The following OSBPL5 variants were observed in gnomAD, a reference collection of about 807,000 sequenced individuals.
OSBPL5 encodes oxysterol-binding protein-related protein 5.
In OSBPL5, 71 loss-of-function variants were observed where a neutral mutation model predicts 111.2. The observed-to-expected ratio is 0.64, with a 90% CI of 0.53 to 0.78. The LOEUF (loss-of-function observed/expected upper bound fraction) is 0.78, where lower values mean the gene tolerates loss of function less well. Ranked by LOEUF, OSBPL5 falls within the 30% of genes least tolerant of loss-of-function variation. OSBPL5 has a pLI of 0.00. For synonymous variants in OSBPL5, 549 were observed against 513.9 expected, an observed-to-expected ratio of 1.07 and a Z score of -0.93; for missense variants, 1,210 against 1,189.3, an observed-to-expected ratio of 1.02 and a Z score of -0.26.
chr11:3,091,828 C>T (rs185352558), intron 19 of OSBPL5, among the ~76,000 whole-genome samples: 8 of 152,312 alleles, frequency 5.3e-5, no homozygotes, highest in Admixed American at 4.6e-4. Context: ...AGCTGGGGAA[C>T]ACGCCCCCAT....
rs1191048139 is a variant in OSBPL5, at chr11:3,141,248, G to A, written c.-21-12079C>T. Among the ~76,000 whole-genome samples, 1 of 152,106 alleles carries A rather than the reference G, an allele frequency of 6.6e-6. No individual in the cohort carries two copies. Among genetic ancestry groups the A allele is most frequent in the East Asian group, 1.9e-4 (1 of 5,162 alleles). ...AGGGCACAGGAGATGCCACCGAGTC[G>A]TGATTGCTCCTGGACAATGCACAGC... is the stretch of plus-strand genomic sequence containing the variant. On this transcript the variant is annotated intron_variant, in intron 1 of 21. Transcript: ENST00000263650. This position sits in a 1 kb window ranked among gnomAD's most constrained non-coding sequence, Gnocchi z 6.5.
chr11:3,100,212 AGGTGAGCGTG>A lies in OSBPL5; in HGVS notation c.1557_1566del (p.Thr520SerfsTer2). ...GTGTAATCCTCGGCTCGGTTCAGGA[AGGTGAGCGTG>A]GCTTTGCCGTCCAGCAGCGCCGACA... On this transcript the variant is annotated frameshift_variant, in exon 14 of 22. Transcript: ENST00000263650. LOFTEE classifies it high-confidence loss of function. The A allele has an allele frequency of 6.2e-7, 1 of 1,614,094 alleles. No homozygotes were observed. The highest frequency in any genetic ancestry group is 8.5e-7 in the Non-Finnish European group (1 of 1,180,000).
At position 3,131,295 on chromosome 11, in the gene OSBPL5, C is replaced by T. The variant is rs117912454; in HGVS notation, c.-21-2126G>A. Among the ~76,000 whole-genome samples, 192 of 152,266 alleles carry T rather than the reference C, an allele frequency of 1.3e-3. 1 individual carries two copies. In the East Asian group the frequency reaches 0.028, roughly 22 times the overall value. ...ACCAGTCTCATCTATACACCAGTCT[C>T]CCGCTCCCTTGTATCCCTCCATCTA... On this transcript the variant is annotated intron_variant, in intron 1 of 21. Coordinates refer to ENST00000263650, the MANE Select transcript of OSBPL5 (RefSeq NM_020896.4).
At position 3,088,079 on chromosome 11, in the gene OSBPL5, C is replaced by T. The variant is rs982081517; in HGVS notation, c.*126G>A. The T allele has an allele frequency of 2.1e-4, 198 of 952,092 alleles. 2 individuals carry two copies. The highest frequency in any genetic ancestry group is 3.3e-4 in the Middle Eastern group (1 of 3,032). The allele number at this position is 952,092 out of a possible 1,614,324, so 59.0% of individuals were successfully genotyped here. A position where few individuals can be genotyped will look rare whatever the true frequency, so the allele number is the denominator to read the frequency against. On this transcript the variant is annotated 3_prime_UTR_variant, in exon 22 of 22. Transcript: ENST00000263650. ...GCCTTGTGGCCCCGGGTCCCTCCTG[C>T]GCCTGGACTCCCCGTCACAGTGGCT...
chr11:3,092,575 G>C lies in OSBPL5; in HGVS notation c.2133-17C>G, dbSNP rs1857101389. On this transcript the variant is annotated splice_polypyrimidine_tract_variant and intron_variant, in intron 18 of 21. Transcript: ENST00000263650. The surrounding 1 kb of genome is among the most constrained non-coding windows in gnomAD (Gnocchi z 5.4). ...GGGCTGTGGCTGGAGGGTCCAGAGG[G>C]CGTTCATCAGCACAGGCAGTGGCCC... 1.9e-6 allele frequency: 3 copies of C among 1,571,380 alleles called. No homozygotes were observed. Among genetic ancestry groups the C allele is most frequent in the Non-Finnish European group, 2.6e-6 (3 of 1,156,598 alleles).
chr11:3,103,881 T>TCTTCCAGCTCTGCAACCCCCTTCC (rs1564830854), intron 10 of OSBPL5, among the ~76,000 whole-genome samples: 1 of 49,826 alleles, frequency 2.0e-5, no homozygotes, highest in African/African-American at 6.2e-5. Context: ...CCTGCCTCTG[T>TCTTCCAGCTCTGCAACCCCCTTCC]AGCCCCATTC....
intron 1 of OSBPL5, among the ~76,000 whole-genome samples, chr11:3,156,774 C>T (rs1455363524): frequency 6.6e-6 from 1 of 152,274 alleles, no homozygotes; most frequent in Non-Finnish European, 1.5e-5. Flanking sequence ...GCCCATGCCA[C>T]TTCCACACAG....
chr11:3,120,074 C>A, intron 6 of OSBPL5: 1 of 450,002 alleles, frequency 2.2e-6, no homozygotes, highest in Non-Finnish European at 4.0e-6. Context: ...GGTTTCCCAC[C>A]CGTTAGAGCT....
At chr11:3,094,401 ACCGACCCAGCAGCACCGATCCCTGAGTC>A (rs922792354) in intron 14 of OSBPL5, 67 bp from the exon 15 acceptor site, 97 of 1,292,870 alleles carry the variant, frequency 7.5e-5, no homozygotes, top group Middle Eastern at 4.0e-4. Context: ...CCTGCTGAGT[ACCGACCCAGCAGCACCGATCCCTGAGTC>A]CCGACCCAGC....
intron 7 of OSBPL5, among the ~76,000 whole-genome samples, chr11:3,112,042 C>CGT (rs1857984153): frequency 3.6e-5 from 3 of 82,380 alleles, no homozygotes; most frequent in African/African-American, 8.5e-5. Flanking sequence ...TGTATGTGTG[C>CGT]GCGCATGTGT....
chr11:3,094,530 TGGG>T, intron 14 of OSBPL5, 196 bp from the exon 15 acceptor site: 2 of 558,538 alleles, frequency 3.6e-6, no homozygotes, highest in Non-Finnish European at 6.4e-6. Context: ...GAGAGGCTGG[TGGG>T]GGTGCGGAGC....
rs1858776905 is a variant in OSBPL5, at chr11:3,130,162, A to G, written c.-21-993T>C. Among the ~76,000 whole-genome samples the G allele has an allele frequency of 6.6e-6, 1 of 152,234 alleles. No individual in the cohort carries two copies. Among genetic ancestry groups the G allele is most frequent in the African/African-American group, 2.4e-5 (1 of 41,462 alleles). ...CTCAGCCCATTTTACAGATGAGAAA[A>G]TCATGGCTCAGGGAGTGGAAGGCCT... On this transcript the variant is annotated intron_variant, in intron 1 of 21. Coordinates refer to ENST00000263650, the MANE Select transcript of OSBPL5 (RefSeq NM_020896.4). The surrounding 1 kb of genome is among the most constrained non-coding windows in gnomAD (Gnocchi z 4.5).
intron 1 of OSBPL5, among the ~76,000 whole-genome samples, chr11:3,163,105 C>T (rs1312588098): frequency 6.6e-6 from 1 of 152,238 alleles, no homozygotes; most frequent in African/African-American, 2.4e-5. Flanking sequence ...AACCCCCTGT[C>T]CCGGAGGTCA....
chr11:3,149,728 T>G (rs968921160), intron 1 of OSBPL5, among the ~76,000 whole-genome samples: 3 of 152,210 alleles, frequency 2.0e-5, no homozygotes, highest in Admixed American at 6.5e-5. Context: ...CTTCTTCCTC[T>G]TTGATCATCA....
At chr11:3,098,617 T>C (rs1857357972) in intron 14 of OSBPL5, among the ~76,000 whole-genome samples, 2 of 149,218 alleles carry the variant, frequency 1.3e-5, no homozygotes, top group Non-Finnish European at 3.0e-5. Context: ...GTGATTCTCC[T>C]GCCTCAGCCT....
chr11:3,143,639 G>T (rs1322120578), intron 1 of OSBPL5, among the ~76,000 whole-genome samples: 1 of 152,266 alleles, frequency 6.6e-6, no homozygotes, highest in Admixed American at 6.5e-5. Context: ...CGCCCACGCA[G>T]TGTCCAGGAC....
chr11:3,131,415 C>A lies in OSBPL5; in HGVS notation c.-21-2246G>T, dbSNP rs1858825930. On this transcript the variant is annotated intron_variant, in intron 1 of 21. Transcript: ENST00000263650. Reference sequence around the variant, plus strand: ...CATCCATCCATCCATCTACTGTCATCCCATCTATCCATCAATCCATCCATC... The same window carrying A: ...CATCCATCCATCCATCTACTGTCATACCATCTATCCATCAATCCATCCATC... Among the ~76,000 whole-genome samples the A allele has an allele frequency of 2.4e-5, 3 of 127,330 alleles. No homozygotes were observed. In the Admixed American group the frequency reaches 2.4e-4, roughly 10 times the overall value. The allele number at this position is 127,330 out of a possible 152,430, so 83.5% of individuals were successfully genotyped here. A position where few individuals can be genotyped will look rare whatever the true frequency, so the allele number is the denominator to read the frequency against.
intron 1 of OSBPL5, among the ~76,000 whole-genome samples, chr11:3,144,681 T>C (rs1230003948): frequency 6.6e-6 from 1 of 152,242 alleles, no homozygotes; most frequent in Non-Finnish European, 1.5e-5. Context: ...TTGGGGAACA[T>C]TTTTATAATG....
At chr11:3,147,052 C>T (rs951379923) in intron 1 of OSBPL5, among the ~76,000 whole-genome samples, 1 of 152,136 alleles carries the variant, frequency 6.6e-6, no homozygotes, top group Non-Finnish European at 1.5e-5. Flanking sequence ...GTCCTGGGAT[C>T]CTTCCCAGTC....
Sources: gnomAD v4.1 joint callset for allele counts (sites outside exome capture counted in the v4.1 genomes callset) on GRCh38, gnomAD v4.1.1 for gene constraint, Gnocchi (gnomAD v3.1) non-coding constraint, MANE v1.5 for transcripts, NCBI Gene and HGNC (gene_info 2026-07-23, HGNC 2026-07-21) for gene names.